The following XYLT1 variants were observed in gnomAD, a reference collection of about 807,000 sequenced individuals.
The protein encoded by XYLT1 is beta-D-xylosyltransferase 1.
Under a neutral mutation model 91.3 loss-of-function variants are expected in XYLT1, and 36 were observed. The ratio of observed to expected loss-of-function variants is 0.39; its 90% CI spans 0.30 to 0.52. The LOEUF (loss-of-function observed/expected upper bound fraction) is 0.52. Among genes scored for constraint, XYLT1 ranks in the 20% least tolerant of loss-of-function variants. The probability of loss-of-function intolerance (pLI) is 0.68; values close to 1 mark genes in which losing one functional copy is unlikely to be tolerated. For synonymous variants in XYLT1, 588 were observed against 532.0 expected (o/e 1.11, Z -1.45); for missense variants, 1,242 against 1,284.5 (o/e 0.97, Z 0.51).
intron 1 of XYLT1, among the ~76,000 whole-genome samples, chr16:17,444,033 C>T (rs2036563115): frequency 1.3e-5 from 2 of 152,204 alleles, no homozygotes; most frequent in African/African-American, 4.8e-5. Flanking sequence ...ACTGGCCGTT[C>T]ATCAACTCTT....
At chr16:17,159,948 C>T (rs562130646) in intron 5 of XYLT1, among the ~76,000 whole-genome samples, 66 of 152,298 alleles carry the variant, frequency 4.3e-4, no homozygotes, top group Middle Eastern at 3.4e-3. Flanking sequence ...TTCTCTGCTT[C>T]GGAATTTTTA....
At chr16:17,284,210 A>T (rs34851960) in intron 2 of XYLT1, among the ~76,000 whole-genome samples, 1 of 152,242 alleles carries the variant, frequency 6.6e-6, no homozygotes, top group South Asian at 2.1e-4. Flanking sequence ...TTAAGTGTTC[A>T]GCACAGCAAC....
chr16:17,224,612 C>A (rs2033030483), intron 3 of XYLT1, among the ~76,000 whole-genome samples: 1 of 152,152 alleles, frequency 6.6e-6, no homozygotes. Flanking sequence ...TGGTCTTGGG[C>A]AAATGGCTTC....
chr16:17,320,927 G>A (rs2034709420), intron 2 of XYLT1, among the ~76,000 whole-genome samples: 1 of 151,934 alleles, frequency 6.6e-6, no homozygotes, highest in African/African-American at 2.4e-5. Flanking sequence ...TATACGTAAG[G>A]CACTTAGCAC....
intron 1 of XYLT1, among the ~76,000 whole-genome samples, chr16:17,452,661 C>T (rs924064725): frequency 9.9e-5 from 15 of 152,086 alleles, no homozygotes; most frequent in Admixed American, 3.9e-4. Context: ...AGAAGAGTTT[C>T]GATTGTTTAA....
chr16:17,434,297 CG>C (rs2036425113), intron 1 of XYLT1, among the ~76,000 whole-genome samples: 1 of 152,190 alleles, frequency 6.6e-6, no homozygotes. Context: ...TGGTGACAAG[CG>C]TGTCATCACC....
intron 11 of XYLT1, among the ~76,000 whole-genome samples, chr16:17,112,253 C>T (rs1198216375): frequency 6.6e-6 from 1 of 152,136 alleles, no homozygotes; most frequent in African/African-American, 2.4e-5. Context: ...ACCAGGGACG[C>T]ATCAATAGAA....
At chr16:17,112,690 C>T (rs1271377015) in intron 11 of XYLT1, among the ~76,000 whole-genome samples, 3 of 152,146 alleles carry the variant, frequency 2.0e-5, no homozygotes, top group Admixed American at 6.5e-5. Context: ...TGGGCCTGGT[C>T]AGCTCTGGAG....
At chr16:17,239,966 C>T (rs1033781320) in intron 3 of XYLT1, among the ~76,000 whole-genome samples, 1 of 152,174 alleles carries the variant, frequency 6.6e-6, no homozygotes. Context: ...CTACTTAGTA[C>T]CAGGTGGTGT....
chr16:17,330,994 A>G (rs2034889156), intron 2 of XYLT1, among the ~76,000 whole-genome samples: 2 of 152,318 alleles, frequency 1.3e-5, no homozygotes, highest in South Asian at 4.1e-4. Flanking sequence ...GAGCTGACAG[A>G]TGTTCCACCG....
intron 1 of XYLT1, among the ~76,000 whole-genome samples, chr16:17,400,881 T>C (rs1047884881): frequency 6.6e-6 from 1 of 151,890 alleles, no homozygotes; most frequent in Admixed American, 6.6e-5. Context: ...AGTAACCCTA[T>C]ACTGGGAAGA....
At chr16:17,456,332 CTT>C (rs869026409) in intron 1 of XYLT1, among the ~76,000 whole-genome samples, 15,993 of 113,162 alleles carry the variant, frequency 0.14, 866 homozygotes, top group African/African-American at 0.25. Flanking sequence ...CAGTACAAAC[CTT>C]TTTTTTTTTT....
At chr16:17,365,173 C>T (rs925481707) in intron 1 of XYLT1, among the ~76,000 whole-genome samples, 102 of 152,276 alleles carry the variant, frequency 6.7e-4, no homozygotes, top group African/African-American at 2.3e-3. Context: ...AGAGATTTGC[C>T]TTGCCCTAAA....
chr16:17,276,486 G>A (rs560018884), intron 2 of XYLT1, among the ~76,000 whole-genome samples: 1 of 152,300 alleles, frequency 6.6e-6, no homozygotes, highest in East Asian at 1.9e-4. Flanking sequence ...AAGATGGAAT[G>A]TACCCCTCTT....
intron 2 of XYLT1, among the ~76,000 whole-genome samples, chr16:17,295,097 G>C (rs2034289604): frequency 6.6e-6 from 1 of 152,164 alleles, no homozygotes; most frequent in Non-Finnish European, 1.5e-5. Flanking sequence ...AGACTGAAAA[G>C]GTGAGGTATA....
At chr16:17,459,528 G>A (rs1400711249) in intron 1 of XYLT1, among the ~76,000 whole-genome samples, 1 of 152,082 alleles carries the variant, frequency 6.6e-6, no homozygotes, top group Non-Finnish European at 1.5e-5. Flanking sequence ...GATTCCTGGG[G>A]CTCGTTTAGG....
At chr16:17,415,413 G>A (rs1359125847) in intron 1 of XYLT1, among the ~76,000 whole-genome samples, 1 of 152,188 alleles carries the variant, frequency 6.6e-6, no homozygotes, top group African/African-American at 2.4e-5. Context: ...ATGGAGGCCG[G>A]GCGCGGTGGC....
In XYLT1 at chr16:17,105,449, A is replaced by G. The variant is rs1181930660; in HGVS notation, c.*3246T>C. 2 of 152,206 alleles carry G rather than the reference A, an allele frequency of 1.3e-5. No homozygotes were observed. The highest frequency in any genetic ancestry group is 2.9e-5 in the Non-Finnish European group (2 of 68,044). 9.4% of individuals were successfully genotyped at this position (152,206 alleles called of 1,614,324 possible). A position where few individuals can be genotyped will look rare whatever the true frequency, so the allele number is the denominator to read the frequency against. On this transcript the variant is annotated 3_prime_UTR_variant, in exon 12 of 12. Coordinates refer to ENST00000261381, the MANE Select transcript of XYLT1 (RefSeq NM_022166.4). ...TTTTTTTTCCCCTGCAAAGGGAGAAAGCAGCGCGCTTCTCACAACACGGGG... is the reference window on the plus strand; with the variant it reads ...TTTTTTTTCCCCTGCAAAGGGAGAAGGCAGCGCGCTTCTCACAACACGGGG...
At chr16:17,354,998 G>C (rs901843116) in intron 2 of XYLT1, 3 of 152,260 alleles carry the variant, frequency 2.0e-5, no homozygotes, top group Non-Finnish European at 4.4e-5. Context: ...AATATTCCCA[G>C]GCTCCCCAAA....
Sources: gnomAD v4.1 joint callset for allele counts (sites outside exome capture counted in the v4.1 genomes callset) on GRCh38, gnomAD v4.1.1 for gene constraint, MANE v1.5 for transcripts, NCBI Gene and HGNC (gene_info 2026-07-23, HGNC 2026-07-21) for gene names.